UAP1: variants seen among roughly 807,000 people sequenced by gnomAD.
UAP1 encodes the protein UDP-N-acetylglucosamine pyrophosphorylase 1.
Under a neutral mutation model 58.5 loss-of-function variants are expected in UAP1, and 25 were observed. The observed-to-expected ratio is 0.43, with a 90% CI of 0.31 to 0.60. The LOEUF (loss-of-function observed/expected upper bound fraction) is 0.60, where lower values mean the gene tolerates loss of function less well. UAP1 is among the 20% of genes least tolerant of loss of function. The probability of loss-of-function intolerance (pLI) is 0.11; values close to 1 mark genes in which losing one functional copy is unlikely to be tolerated. For synonymous variants in UAP1, 208 were observed against 213.0 expected (o/e 0.98, Z 0.21); for missense variants, 575 against 630.0 (o/e 0.91, Z 0.93).
chr1:162,594,701 G>A (rs1655516422), intron 9 of UAP1, among the ~76,000 whole-genome samples: 1 of 152,154 alleles, frequency 6.6e-6, no homozygotes, highest in African/African-American at 2.4e-5. Context: ...GTAATAGATT[G>A]TTAATTATAT....
At chr1:162,562,273 C>A (rs1471120385) in intron 1 of UAP1, among the ~76,000 whole-genome samples, 1 of 151,846 alleles carries the variant, frequency 6.6e-6, no homozygotes, top group Non-Finnish European at 1.5e-5. Flanking sequence ...CAGGTGGAAG[C>A]GAGTTGGTGT....
Position 162,573,973 on chromosome 1 carries a change from A to G in UAP1, c.281-2804A>G, listed in dbSNP as rs530674242. Among the ~76,000 whole-genome samples, 9 of 152,268 alleles carry G rather than the reference A, an allele frequency of 5.9e-5. 1 individual carries two copies. The East Asian group carries it at 1.5e-3, about 26-fold the overall frequency. ...TGTGAGACTCTGTCTCAAAAAAAAA[A>G]AGAAGAAATAGCTGGAATGATTGCT... On this transcript the variant is annotated intron_variant, in intron 2 of 10. Coordinates refer to ENST00000271469, the Ensembl canonical transcript of UAP1.
intron 9 of UAP1, among the ~76,000 whole-genome samples, chr1:162,594,482 G>GT (rs1299061030): frequency 6.6e-6 from 1 of 152,196 alleles, no homozygotes; most frequent in Non-Finnish European, 1.5e-5. Context: ...AGGCCACAGA[G>GT]TAGTACCGGT....
intron 7 of UAP1, among the ~76,000 whole-genome samples, chr1:162,589,935 C>T (rs1225539496): frequency 6.6e-6 from 1 of 151,968 alleles, no homozygotes; most frequent in African/African-American, 2.4e-5. Flanking sequence ...TGTGCCACTG[C>T]ACTCCAGCCT....
exon 2 of UAP1, chr1:162,566,023 C>T (rs749657791): frequency 2.5e-6 from 4 of 1,571,600 alleles, no homozygotes; most frequent in Non-Finnish European, 3.4e-6. Flanking sequence ...TTTACAGGTA[C>T]ATACATTACA....
At chr1:162,566,630 ATT>A (rs60264435) in intron 2 of UAP1, among the ~76,000 whole-genome samples, 2 of 144,670 alleles carry the variant, frequency 1.4e-5, no homozygotes, top group Admixed American at 6.9e-5. Context: ...AGCTGGCTTA[ATT>A]TTTTTTTTTT....
intron 3 of UAP1, among the ~76,000 whole-genome samples, chr1:162,578,497 G>T (rs759828336): frequency 9.2e-5 from 14 of 152,190 alleles, no homozygotes; most frequent in Non-Finnish European, 1.5e-4. Context: ...CTTGATGCCT[G>T]TGGGGAATTT....
chr1:162,588,815 A>G (rs1655074959), exon 7 of UAP1: 2 of 1,611,914 alleles, frequency 1.2e-6, no homozygotes, highest in Non-Finnish European at 1.7e-6. Context: ...TTTGTCTTTG[A>G]CATCTTCCAG....
chr1:162,579,740 T>G, intron 4 of UAP1, 137 bp downstream of exon 4: 1 of 792,354 alleles, frequency 1.3e-6, no homozygotes, highest in South Asian at 2.7e-5. Flanking sequence ...TGGAAATGAT[T>G]TAAAAAGATG....
chr1:162,591,825 C>T (rs1655329753), intron 8 of UAP1, among the ~76,000 whole-genome samples: 2 of 151,846 alleles, frequency 1.3e-5, no homozygotes, highest in South Asian at 4.2e-4. Context: ...TGCTCTGTCA[C>T]CCAGGCTGGA....
chr1:162,573,792 CCT>C (rs951021301), intron 2 of UAP1, among the ~76,000 whole-genome samples: 10 of 151,824 alleles, frequency 6.6e-5, no homozygotes, highest in African/African-American at 2.4e-4. Flanking sequence ...TGGTGAGACC[CCT>C]GTCTACTAAA....
chr1:162,564,137 C>G lies in UAP1; in HGVS notation c.-57-1875C>G, dbSNP rs183181245. Among the ~76,000 whole-genome samples the G allele has an allele frequency of 8.1e-4, 123 of 152,236 alleles. 1 individual carries two copies. Among genetic ancestry groups the G allele is most frequent in the African/African-American group, 2.9e-3 (119 of 41,526 alleles). On this transcript the variant is annotated intron_variant, in intron 1 of 10. Transcript: ENST00000271469. The stretch of plus-strand genomic sequence containing the variant: ...ATTAAAAAATAATAGCATCATGACT[C>G]TTGAAACCTATATAAATCAATAGGA...
intron 9 of UAP1, among the ~76,000 whole-genome samples, chr1:162,596,684 G>T (rs1267624863): frequency 1.3e-5 from 2 of 152,182 alleles, no homozygotes; most frequent in Non-Finnish European, 2.9e-5. Context: ...AGGATAGAGA[G>T]TGCTTTGAAT....
chr1:162,583,450 G>A lies in UAP1; in HGVS notation c.834+1991G>A, dbSNP rs116979885. ...TTACAGGCGTGAGCCACCGTGCCCAGCTGGTGTCACTCTTTTTTCCTAAAA... is the reference window on the plus strand; with the variant it reads ...TTACAGGCGTGAGCCACCGTGCCCAACTGGTGTCACTCTTTTTTCCTAAAA... On this transcript the variant is annotated intron_variant, in intron 5 of 10. Transcript: ENST00000271469. Among the ~76,000 whole-genome samples the A allele has an allele frequency of 1.9e-3, 295 of 151,926 alleles. 5 individuals are homozygous for A. In the East Asian group the frequency reaches 0.048, roughly 25 times the overall value.
intron 2 of UAP1, among the ~76,000 whole-genome samples, chr1:162,569,293 G>A (rs755990963): frequency 2.6e-5 from 4 of 152,182 alleles, no homozygotes; most frequent in Admixed American, 6.5e-5. Context: ...GGGAATGAAA[G>A]CATTGTCCAG....
At chr1:162,596,625 G>C (rs935642479) in intron 9 of UAP1, among the ~76,000 whole-genome samples, 2 of 152,196 alleles carry the variant, frequency 1.3e-5, no homozygotes, top group African/African-American at 4.8e-5. Flanking sequence ...TCCAAAGAGT[G>C]TGACTGATCT....
chr1:162,587,689 T>G, intron 6 of UAP1, 21 bp downstream of exon 6: 1 of 1,591,358 alleles, frequency 6.3e-7, no homozygotes, highest in Non-Finnish European at 8.6e-7. Context: ...GATGGGGGCC[T>G]TTTAAAATTA....
intron 2 of UAP1, among the ~76,000 whole-genome samples, chr1:162,567,384 T>A (rs1394732606): frequency 6.6e-6 from 1 of 152,240 alleles, no homozygotes; most frequent in East Asian, 1.9e-4. Flanking sequence ...TATAAGTTGA[T>A]CAATAAGTGT....
At chr1:162,570,304 G>T (rs1379591662) in intron 2 of UAP1, among the ~76,000 whole-genome samples, 1 of 152,070 alleles carries the variant, frequency 6.6e-6, no homozygotes, top group Non-Finnish European at 1.5e-5. Flanking sequence ...CATATATTGG[G>T]ATTGTGTATA....
Sources: gnomAD v4.1 joint callset for allele counts (sites outside exome capture counted in the v4.1 genomes callset) on GRCh38, gnomAD v4.1.1 for gene constraint, MANE v1.5 for transcripts, NCBI Gene and HGNC (gene_info 2026-07-23, HGNC 2026-07-21) for gene names.